The following PCDHGA2 variants were observed in gnomAD, a reference collection of about 807,000 sequenced individuals.
The protein encoded by PCDHGA2 is protocadherin gamma subfamily A, 2.
In PCDHGA2, 40 loss-of-function variants were observed where a neutral mutation model predicts 59.2. The observed-to-expected ratio is 0.68, with a 90% CI of 0.52 to 0.88. The LOEUF is 0.88. Among genes scored for constraint, PCDHGA2 ranks in the 40% least tolerant of loss-of-function variants. The probability of loss-of-function intolerance (pLI) is 0.00; values close to 1 mark genes in which losing one functional copy is unlikely to be tolerated. For missense variants in PCDHGA2, 1,226 were observed against 1,204.0 expected (o/e 1.02, Z -0.27); for synonymous variants, 560 against 526.0 (o/e 1.06, Z -0.89).
chr5:141,348,858 T>A (rs959514515), intron 1 of PCDHGA2, among the ~76,000 whole-genome samples: 1 of 152,088 alleles, frequency 6.6e-6, no homozygotes, highest in Non-Finnish European at 1.5e-5. Flanking sequence ...TGCAAAATAG[T>A]AGAATAAATT....
intron 3 of PCDHGA2, among the ~76,000 whole-genome samples, chr5:141,509,596 G>A (rs538867815): frequency 1.3e-5 from 2 of 152,258 alleles, no homozygotes; most frequent in Admixed American, 6.5e-5. Context: ...TGGCAATTCC[G>A]AGAGGCTGCA....
chr5:141,439,150 G>A (rs971023726), intron 1 of PCDHGA2, among the ~76,000 whole-genome samples: 7 of 149,122 alleles, frequency 4.7e-5, no homozygotes, highest in South Asian at 2.1e-4. Flanking sequence ...CTGAGATCAC[G>A]CCACTGCACT....
Position 141,420,255 on chromosome 5 carries a change from A to T in PCDHGA2, c.2425-74552A>T, listed in dbSNP as rs917458059. The T allele has an allele frequency of 2.5e-6, 4 of 1,569,630 alleles. No homozygotes were observed. The highest frequency in any genetic ancestry group is 1.4e-5 in the African/African-American group (1 of 73,152). On this transcript the variant is annotated intron_variant, in intron 1 of 3. Coordinates refer to ENST00000394576, the MANE Select transcript of PCDHGA2 (RefSeq NM_018915.4). ...ATTTTAACTCCCAGCGTTGAAGCAG[A>T]TAAGAAGATTCTTAAACAGGTAAGT...
intron 1 of PCDHGA2, chr5:141,412,334 T>C (rs371361193): frequency 2.0e-5 from 3 of 152,262 alleles, no homozygotes; most frequent in Admixed American, 1.3e-4. Flanking sequence ...GCAACTGTAA[T>C]ATATGTTCAT....
intron 1 of PCDHGA2, chr5:141,374,617 C>T: frequency 1.2e-6 from 2 of 1,613,518 alleles, no homozygotes; most frequent in South Asian, 1.1e-5. Flanking sequence ...ATAGTCACTT[C>T]TCAGTGGACG....
intron 1 of PCDHGA2, chr5:141,350,574 C>A: frequency 6.2e-7 from 1 of 1,614,004 alleles, no homozygotes; most frequent in East Asian, 2.2e-5. Flanking sequence ...GAATTCGAAA[C>A]GGTCGCTGAA....
intron 1 of PCDHGA2, chr5:141,413,677 G>T (rs539552615): frequency 6.2e-7 from 1 of 1,613,794 alleles, no homozygotes; most frequent in East Asian, 2.2e-5. Flanking sequence ...GGATGTGGGC[G>T]TGAACTCCCT....
Position 141,432,694 on chromosome 5 carries a change from C to A in PCDHGA2, c.2425-62113C>A. 1 of 1,613,936 alleles carries A rather than the reference C, an allele frequency of 6.2e-7. No homozygotes were observed. The highest frequency in any genetic ancestry group is 8.5e-7 in the Non-Finnish European group (1 of 1,179,964). On this transcript the variant is annotated intron_variant, in intron 1 of 3. Transcript: ENST00000394576. This position sits in a 1 kb window ranked among gnomAD's most constrained non-coding sequence, Gnocchi z 6.0. Reference sequence around the variant, plus strand: ...CGCTCAAGCAGAGCCTCGTAGTGGCCGTCCAGGACCACGGCCAGCCCCCTC... The same window carrying A: ...CGCTCAAGCAGAGCCTCGTAGTGGCAGTCCAGGACCACGGCCAGCCCCCTC...
chr5:141,487,643 C>T lies in PCDHGA2; in HGVS notation c.2425-7164C>T. 1.2e-6 allele frequency: 2 copies of T among 1,614,104 alleles called. No homozygotes were observed. The highest frequency in any genetic ancestry group is 1.7e-6 in the Non-Finnish European group (2 of 1,179,986). Reference sequence around the variant, plus strand: ...GAGACCTTTGCAGGCTCAACAAATGCTTGAGGGTTATTCTGATCCAGGCAT... The same window carrying T: ...GAGACCTTTGCAGGCTCAACAAATGTTTGAGGGTTATTCTGATCCAGGCAT... On this transcript the variant is annotated intron_variant, in intron 1 of 3. Transcript: ENST00000394576. The surrounding 1 kb of genome is among the most constrained non-coding windows in gnomAD (Gnocchi z 5.0).
Position 141,432,521 on chromosome 5 carries a change from G to C in PCDHGA2, c.2425-62286G>C. ...CCGCTCCGCAGAGCCCGGCTACCTG[G>C]TGACCAAGGTGGTGGCGGTGGACAG... On this transcript the variant is annotated intron_variant, in intron 1 of 3. Transcript: ENST00000394576. The surrounding 1 kb of genome is among the most constrained non-coding windows in gnomAD (Gnocchi z 6.0). 1.2e-6 allele frequency: 2 copies of C among 1,614,112 alleles called. No individual in the cohort carries two copies. The highest frequency in any genetic ancestry group is 1.7e-6 in the Non-Finnish European group (2 of 1,180,028).
At chr5:141,414,829 T>C (rs746789783) in intron 1 of PCDHGA2, 18 of 1,614,078 alleles carry the variant, frequency 1.1e-5, no homozygotes, top group Non-Finnish European at 1.5e-5. Context: ...CAACGTGTCG[T>C]TGAGCCTGTT....
In PCDHGA2 at chr5:141,487,198, T is replaced by C; in HGVS notation, c.2425-7609T>C. ...AAGACACTCATCCAGTTGTCCCAGA[T>C]CTTCGAGAATCTTCAGCTCCAAGGG... On this transcript the variant is annotated intron_variant, in intron 1 of 3. Transcript: ENST00000394576. The surrounding 1 kb of genome is among the most constrained non-coding windows in gnomAD (Gnocchi z 5.0). The C allele has an allele frequency of 6.2e-7, 1 of 1,613,854 alleles. No homozygotes were observed.
chr5:141,370,832 T>C, intron 1 of PCDHGA2: 1 of 1,614,018 alleles, frequency 6.2e-7, no homozygotes. Flanking sequence ...GCGAACTGGC[T>C]CTCACTGGAG....
Position 141,477,920 on chromosome 5 carries a change from C to A in PCDHGA2, c.2425-16887C>A, listed in dbSNP as rs755219711. ...GGTAGGCTGGGACGCGGATGCAGGGCACAATGCCTGGCTCTCCTACAGTCT... is the reference window on the plus strand; with the variant it reads ...GGTAGGCTGGGACGCGGATGCAGGGAACAATGCCTGGCTCTCCTACAGTCT... On this transcript the variant is annotated intron_variant, in intron 1 of 3. Transcript: ENST00000394576. The surrounding 1 kb of genome is among the most constrained non-coding windows in gnomAD (Gnocchi z 4.9). The A allele has an allele frequency of 6.2e-7, 1 of 1,614,180 alleles. No individual in the cohort carries two copies. The highest frequency in any genetic ancestry group is 8.5e-7 in the Non-Finnish European group (1 of 1,180,038).
chr5:141,467,788 A>G (rs2099151778), intron 1 of PCDHGA2, among the ~76,000 whole-genome samples: 1 of 152,020 alleles, frequency 6.6e-6, no homozygotes. Flanking sequence ...CCTCTCAAGT[A>G]GCTGGGACTA....
At chr5:141,482,345 T>G (rs192115752) in intron 1 of PCDHGA2, among the ~76,000 whole-genome samples, 8 of 152,122 alleles carry the variant, frequency 5.3e-5, no homozygotes, top group Admixed American at 5.2e-4. Context: ...CTTTGCAAAC[T>G]TGTTGTGAGA....
At chr5:141,356,142 C>T in intron 1 of PCDHGA2, 1 of 1,613,620 alleles carries the variant, frequency 6.2e-7, no homozygotes, top group Non-Finnish European at 8.5e-7. Flanking sequence ...ACTCTGGATT[C>T]TATGACATAG....
At chr5:141,360,929 C>G (rs1415518653) in intron 1 of PCDHGA2, 13 of 1,613,914 alleles carry the variant, frequency 8.1e-6, no homozygotes, top group East Asian at 6.7e-5. Flanking sequence ...CTTCAAGTGA[C>G]AGCCACCGAC....
Position 141,340,599 on chromosome 5 carries a change from G to C in PCDHGA2, c.1628G>C (p.Ser543Thr), listed in dbSNP as rs1309064616. 1 of 1,614,094 alleles carries C rather than the reference G, an allele frequency of 6.2e-7. No homozygotes were observed. Among genetic ancestry groups the C allele is most frequent in the Non-Finnish European group, 8.5e-7 (1 of 1,180,046 alleles). Reference sequence around the variant, plus strand: ...CGGGACAGCGGGAACCCTCCACTCAGTAGCAATGTATCATTAAGCCTGTTC... The same window carrying C: ...CGGGACAGCGGGAACCCTCCACTCACTAGCAATGTATCATTAAGCCTGTTC... ...IARDSGNPPL[S>T]SNVSLSLFVL... The change falls in exon 1 of 4, where the codon AGT (serine) becomes ACT (threonine). Residue 543 changes from serine (S) to threonine (T), a missense_variant. Transcript: ENST00000394576.
Sources: gnomAD v4.1 joint callset for allele counts (sites outside exome capture counted in the v4.1 genomes callset) on GRCh38, gnomAD v4.1.1 for gene constraint, Gnocchi (gnomAD v3.1) non-coding constraint, MANE v1.5 for transcripts, NCBI Gene and HGNC (gene_info 2026-07-23, HGNC 2026-07-21) for gene names.